RANBP17: variants seen among roughly 807,000 people sequenced by gnomAD.
RANBP17 encodes ran-binding protein 17.
A neutral mutation model predicts 141.2 loss-of-function variants in RANBP17; 158 were observed. That is an observed-to-expected ratio of 1.12 (90% CI 0.98 to 1.28). The LOEUF is 1.28. Among genes scored for constraint, RANBP17 ranks in the 50% most tolerant of loss-of-function variants. The probability of loss-of-function intolerance (pLI) is 0.00; values close to 1 mark genes in which losing one functional copy is unlikely to be tolerated. For missense variants in RANBP17, 1,438 were observed against 1,290.7 expected (o/e 1.11, Z -1.75); for synonymous variants, 430 against 450.0 (o/e 0.96, Z 0.56).
chr5:170,907,313 CT>C (rs1771144436), intron 5 of RANBP17, among the ~76,000 whole-genome samples: 2 of 91,782 alleles, frequency 2.2e-5, no homozygotes, highest in Admixed American at 2.4e-4. Context: ...AATCCTTCGT[CT>C]CAAAATATTG....
intron 12 of RANBP17, among the ~76,000 whole-genome samples, chr5:170,932,760 A>C (rs867366246): frequency 1.1e-4 from 17 of 152,104 alleles, no homozygotes; most frequent in African/African-American, 3.9e-4. Flanking sequence ...GGATGAAGCC[A>C]ACTTGATCGT....
At chr5:171,277,200 T>G (rs1767541752) in intron 25 of RANBP17, among the ~76,000 whole-genome samples, 1 of 152,090 alleles carries the variant, frequency 6.6e-6, no homozygotes, top group Non-Finnish European at 1.5e-5. Flanking sequence ...GGATTTCACT[T>G]GCACTCCCAA....
intron 14 of RANBP17, among the ~76,000 whole-genome samples, chr5:170,997,518 A>G (rs1007654937): frequency 6.6e-6 from 1 of 152,168 alleles, no homozygotes; most frequent in Non-Finnish European, 1.5e-5. Flanking sequence ...ATGTACTACC[A>G]AGGTTTGAGA....
In RANBP17 at chr5:171,030,395, G is replaced by T. The variant is rs1163909294; in HGVS notation, c.1710+62018G>T. 2.0e-5 allele frequency among the ~76,000 whole-genome samples: 3 copies of T among 151,822 alleles called. No individual in the cohort carries two copies. In the East Asian group the frequency reaches 5.8e-4, roughly 29 times the overall value. On this transcript the variant is annotated intron_variant, in intron 14 of 27. Coordinates refer to ENST00000523189, the MANE Select transcript of RANBP17 (RefSeq NM_022897.5). ...GTTAGTATGGACTTAGAAATTGTTG[G>T]GTACAAACCCTGTGTTTCTATCTCG...
chr5:171,213,846 C>G (rs1369052334), intron 21 of RANBP17, 108 bp downstream of exon 21: 16 of 822,942 alleles, frequency 1.9e-5, no homozygotes, highest in Non-Finnish European at 2.9e-5. Flanking sequence ...TTAGCAAGAG[C>G]CCAGGAACCA....
At chr5:171,246,846 T>A (rs1363440111) in intron 24 of RANBP17, among the ~76,000 whole-genome samples, 1 of 152,136 alleles carries the variant, frequency 6.6e-6, no homozygotes, top group Non-Finnish European at 1.5e-5. Context: ...GTCATAGGTG[T>A]TTCATGTGGA....
chr5:171,192,340 A>G (rs1761705221), intron 18 of RANBP17, among the ~76,000 whole-genome samples: 1 of 152,328 alleles, frequency 6.6e-6, no homozygotes, highest in South Asian at 2.1e-4. Flanking sequence ...CAGCCCATTA[A>G]GTCCAGATCC....
At chr5:171,294,441 A>ACTCACCACCTGGG (rs1278243261) in intron 26 of RANBP17, among the ~76,000 whole-genome samples, 2 of 151,874 alleles carry the variant, frequency 1.3e-5, no homozygotes, top group Non-Finnish European at 2.9e-5. Flanking sequence ...TCTTTGGAGG[A>ACTCACCACCTGGG]CTCACCACCT....
At chr5:170,962,155 T>C (rs1460487965) in intron 13 of RANBP17, among the ~76,000 whole-genome samples, 1 of 152,146 alleles carries the variant, frequency 6.6e-6, no homozygotes, top group Admixed American at 6.5e-5. Flanking sequence ...GATTTTTGCT[T>C]GAGAGAGAAA....
At position 170,953,641 on chromosome 5, in the gene RANBP17, G is replaced by A; in HGVS notation, c.1513G>A (p.Gly505Arg). ...LVYLVGTVVGGRLTYTSTDEH... is the reference protein window; with the variant it reads ...LVYLVGTVVGRRLTYTSTDEH... ...ATACTTAGTTGGGACAGTTGTAGGA[G>A]GAAGATTAACATATACCAGTACAGA... is the stretch of plus-strand genomic sequence containing the variant. The change falls in exon 13 of 28, where the codon GGA becomes AGA. Residue 505 changes from glycine (G) to arginine (R), a missense_variant. Transcript: ENST00000523189. The A allele has an allele frequency of 6.2e-7, 1 of 1,612,300 alleles. No individual in the cohort carries two copies. Among genetic ancestry groups the A allele is most frequent in the Non-Finnish European group, 8.5e-7 (1 of 1,178,634 alleles).
intron 18 of RANBP17, among the ~76,000 whole-genome samples, chr5:171,184,755 G>A (rs934439229): frequency 7.9e-5 from 12 of 152,104 alleles, no homozygotes; most frequent in Admixed American, 7.2e-4. Flanking sequence ...ATACAGTAAA[G>A]CAAGTCACAC....
intron 25 of RANBP17, among the ~76,000 whole-genome samples, chr5:171,282,158 T>C (rs1370036393): frequency 1.3e-5 from 2 of 152,188 alleles, no homozygotes; most frequent in African/African-American, 2.4e-5. Flanking sequence ...GGAAAGGGAA[T>C]TACTTAGCAT....
chr5:171,038,831 A>C (rs1782053518), intron 14 of RANBP17, among the ~76,000 whole-genome samples: 4 of 152,090 alleles, frequency 2.6e-5, no homozygotes, highest in African/African-American at 9.7e-5. Context: ...CTGGTGAATT[A>C]ATTGTTGATG....
chr5:170,882,773 T>C (rs945152679), intron 3 of RANBP17, among the ~76,000 whole-genome samples: 1 of 152,218 alleles, frequency 6.6e-6, no homozygotes, highest in African/African-American at 2.4e-5. Context: ...GGAACTTTAC[T>C]TGAAAAAATG....
chr5:170,916,655 C>A, intron 9 of RANBP17, 71 bp downstream of exon 9: 5 of 957,380 alleles, frequency 5.2e-6, no homozygotes, highest in South Asian at 2.4e-5. Flanking sequence ...ATAATAAACT[C>A]ATCATGAATT....
chr5:171,226,027 A>G (rs1286138403), intron 22 of RANBP17, among the ~76,000 whole-genome samples: 3 of 152,162 alleles, frequency 2.0e-5, no homozygotes, highest in East Asian at 1.9e-4. Context: ...CACATTTTCT[A>G]CTAGCCCAAG....
chr5:170,974,428 A>C (rs1581280346), intron 14 of RANBP17, among the ~76,000 whole-genome samples: 1 of 152,080 alleles, frequency 6.6e-6, no homozygotes, highest in Admixed American at 6.5e-5. Context: ...TTCTGAACAC[A>C]CTGGGGTAGG....
chr5:171,227,640 CAA>C (rs1763957743), intron 22 of RANBP17, among the ~76,000 whole-genome samples: 1 of 152,182 alleles, frequency 6.6e-6, no homozygotes, highest in Non-Finnish European at 1.5e-5. Context: ...TTCACGGAGA[CAA>C]AATGCTATTG....
chr5:171,029,184 T>C (rs1203747060), intron 14 of RANBP17: 2 of 197,136 alleles, frequency 1.0e-5, no homozygotes, highest in African/African-American at 4.6e-5. Context: ...CCTTATTAAA[T>C]GATTCCATTC....
Sources: allele counts gnomAD v4.1 joint callset (sites outside exome capture counted in the v4.1 genomes callset), GRCh38; gene constraint gnomAD v4.1.1; transcripts MANE v1.5; gene names NCBI Gene and HGNC (gene_info 2026-07-23, HGNC 2026-07-21).